ANKRD30B: variants seen among roughly 807,000 people sequenced by gnomAD.
ANKRD30B encodes the protein ankyrin repeat domain 30B, also known as ankyrin repeat domain-containing protein 30B.
In ANKRD30B, 144 loss-of-function variants were observed where a neutral mutation model predicts 202.2. The ratio of observed to expected loss-of-function variants is 0.71; its 90% confidence interval spans 0.62 to 0.82. The LOEUF is 0.82. Ranked by LOEUF, ANKRD30B falls within the 40% of genes least tolerant of loss-of-function variation. The pLI, the probability that ANKRD30B is intolerant of heterozygous loss-of-function variation, is 0.00. For missense variants in ANKRD30B, 1,487 were observed against 1,669.1 expected, an observed-to-expected ratio of 0.89 and a Z score of 1.90; for synonymous variants, 508 against 561.3, an observed-to-expected ratio of 0.91 and a Z score of 1.34.
At chr18:14,926,784 C>G in the ANKRD30B span, among the ~76,000 whole-genome samples, 2 of 151,952 alleles carry the variant, frequency 1.3e-5, no homozygotes, top group Non-Finnish European at 2.9e-5. Context: ...ACAAATTAGT[C>G]AGGGTAGTGG....
chr18:14,831,759 A>C (rs1362331985), intron 34 of ANKRD30B, among the ~76,000 whole-genome samples: 1 of 152,160 alleles, frequency 6.6e-6, no homozygotes, highest in African/African-American at 2.4e-5. Context: ...ATTAGAAAAA[A>C]CTTTTCCACA....
the ANKRD30B span, among the ~76,000 whole-genome samples, chr18:14,900,952 A>C: frequency 6.6e-6 from 1 of 152,200 alleles, no homozygotes; most frequent in African/African-American, 2.4e-5. Flanking sequence ...TGGAGAAATA[A>C]ATAATTTTTT....
At chr18:14,768,958 G>T (rs1267538490) in intron 7 of ANKRD30B, among the ~76,000 whole-genome samples, 2 of 152,084 alleles carry the variant, frequency 1.3e-5, no homozygotes. Context: ...ATAAAGGAGG[G>T]GAAAAGTGTT....
At chr18:14,829,551 G>C (rs1268091907) in intron 33 of ANKRD30B, among the ~76,000 whole-genome samples, 1 of 152,130 alleles carries the variant, frequency 6.6e-6, no homozygotes, top group Non-Finnish European at 1.5e-5. Context: ...GTAGGAGTAA[G>C]GGTTTTACCA....
At chr18:14,921,849 C>T in the ANKRD30B span, among the ~76,000 whole-genome samples, 42 of 152,076 alleles carry the variant, frequency 2.8e-4, no homozygotes, top group Non-Finnish European at 4.7e-4. Context: ...TATTGTTTTC[C>T]GATGCATAAA....
the ANKRD30B span, among the ~76,000 whole-genome samples, chr18:14,901,639 C>T: frequency 1.1e-4 from 17 of 151,138 alleles, no homozygotes; most frequent in African/African-American, 3.9e-4. Flanking sequence ...AAAATGGGAA[C>T]ATTTACCTTT....
Position 14,822,491 on chromosome 18 carries a change from G to A in ANKRD30B, c.2650G>A (p.Asp884Asn), listed in dbSNP as rs1970471740. ...TLSGKLEESP[D>N]KDGLLKPTCG... ...TGTCCCTTTTCTTTTAGAGTCTCCT[G>A]ATAAAGATGGTCTTCTGAAGGTAAT... Residue 884 changes from aspartate (D) to asparagine (N), a missense_variant, in exon 31 of 44, where the codon GAT becomes AAT. This residue lies in a region of ANKRD30B where 218 missense variants were observed against 320.1 expected (regional missense o/e 0.68). Coordinates refer to ENST00000690538, the MANE Select transcript of ANKRD30B (RefSeq NM_001367607.2). 4 of 1,400,238 alleles carry A rather than the reference G, an allele frequency of 2.9e-6. No individual in the cohort carries two copies. The highest frequency in any genetic ancestry group is 4.0e-6 in the Non-Finnish European group (4 of 1,003,508). 86.7% of individuals were successfully genotyped at this position (1,400,238 alleles called of 1,614,324 possible). A position where few individuals can be genotyped will look rare whatever the true frequency, so the allele number is the denominator to read the frequency against.
chr18:14,939,991 G>A, the ANKRD30B span, among the ~76,000 whole-genome samples: 1 of 152,178 alleles, frequency 6.6e-6, no homozygotes, highest in Non-Finnish European at 1.5e-5. Flanking sequence ...TGTGTATGCC[G>A]GGAAAATTTT....
At chr18:14,873,005 G>A in the ANKRD30B span, among the ~76,000 whole-genome samples, 29 of 152,200 alleles carry the variant, frequency 1.9e-4, no homozygotes, top group Admixed American at 1.6e-3. Flanking sequence ...GCCACATGGA[G>A]AGTGAAACCA....
chr18:14,761,491 A>G (rs746990556), intron 6 of ANKRD30B, among the ~76,000 whole-genome samples: 18 of 152,218 alleles, frequency 1.2e-4, no homozygotes, highest in Non-Finnish European at 2.1e-4. Flanking sequence ...GCATGAGTAA[A>G]CAAGCTATTT....
At chr18:14,825,662 C>G (rs1598683712) in intron 32 of ANKRD30B, among the ~76,000 whole-genome samples, 1 of 151,984 alleles carries the variant, frequency 6.6e-6, no homozygotes, top group African/African-American at 2.4e-5. Flanking sequence ...TTTCCTATAA[C>G]TATCTTTATA....
the ANKRD30B span, among the ~76,000 whole-genome samples, chr18:14,902,213 GA>G: frequency 6.6e-6 from 1 of 152,108 alleles, no homozygotes; most frequent in Non-Finnish European, 1.5e-5. Flanking sequence ...GGAATTACGG[GA>G]GTACAATTCA....
intron 9 of ANKRD30B, among the ~76,000 whole-genome samples, chr18:14,777,301 T>A (rs113188731): frequency 0.33 from 50,163 of 151,450 alleles, 8,678 homozygotes; most frequent in Non-Finnish European, 0.39. Context: ...GTTTTAATTA[T>A]TTTTTTTTCT....
At chr18:14,777,535 A>AT (rs1382030033) in intron 9 of ANKRD30B, among the ~76,000 whole-genome samples, 1 of 151,852 alleles carries the variant, frequency 6.6e-6, no homozygotes. Context: ...TGACCTCGTG[A>AT]TCCCCCCACC....
chr18:14,831,277 T>C (rs1970926366), intron 33 of ANKRD30B, 106 bp from the exon 34 acceptor site: 1 of 699,184 alleles, frequency 1.4e-6, no homozygotes, highest in South Asian at 1.7e-5. Context: ...TCCCCAGATT[T>C]TGTTTTTTGT....
intron 7 of ANKRD30B, 55 bp from the exon 8 acceptor site, chr18:14,769,288 G>A: frequency 7.5e-7 from 1 of 1,335,322 alleles, no homozygotes; most frequent in Non-Finnish European, 1.0e-6. Context: ...TTAATACTCT[G>A]TATTTTCTAT....
Position 14,752,839 on chromosome 18 carries a change from G to T in ANKRD30B, c.337G>T (p.Ala113Ser), listed in dbSNP as rs1310761155. 6.2e-7 allele frequency: 1 copy of T among 1,607,590 alleles called. No individual in the cohort carries two copies. The highest frequency in any genetic ancestry group is 1.1e-5 in the South Asian group (1 of 90,288). ...GTACTTCTTGCTTTAATACTGACAG[G>T]CTCTACAATGCGAGAGGGAGGCTTG... ...DGEGRTPLMK[A>S]LQCEREACAN... is the part of the protein sequence containing the mutation. Residue 113 changes from alanine to serine, a missense_variant and splice_region_variant, in exon 3 of 44, where the codon GCT becomes TCT. By Grantham distance (99) the Ala-to-Ser change is moderately conservative. Transcript: ENST00000690538.
the ANKRD30B span, among the ~76,000 whole-genome samples, chr18:14,872,369 T>C: frequency 6.6e-6 from 1 of 152,174 alleles, no homozygotes; most frequent in Non-Finnish European, 1.5e-5. Context: ...GAAACAGCCA[T>C]CAGAAGACTA....
At chr18:14,860,041 A>ATG in the ANKRD30B span, among the ~76,000 whole-genome samples, 1 of 91,648 alleles carries the variant, frequency 1.1e-5, no homozygotes, top group Non-Finnish European at 2.2e-5. Flanking sequence ...CAACCCAGAC[A>ATG]GGGTGGCCGG....
Sources: allele counts gnomAD v4.1 joint callset (sites outside exome capture counted in the v4.1 genomes callset), GRCh38; gene constraint gnomAD v4.1.1; regional missense constraint gnomAD v4.1.1; transcripts MANE v1.5; gene names NCBI Gene and HGNC (gene_info 2026-07-23, HGNC 2026-07-21).